The following CHRNE variants were observed in gnomAD, a reference collection of about 807,000 sequenced individuals.
The protein encoded by CHRNE is acetylcholine receptor subunit epsilon.
A neutral mutation model predicts 56.5 loss-of-function variants in CHRNE; 58 were observed. The observed-to-expected ratio is 1.03, with a 90% CI of 0.83 to 1.28. The LOEUF is 1.28. CHRNE is among the 50% of genes most tolerant of loss of function. CHRNE has a pLI of 0.00. For missense variants in CHRNE, 793 were observed against 688.9 expected (o/e 1.15, Z -1.69); for synonymous variants, 385 against 297.9 (o/e 1.29, Z -3.01).
chr17:4,901,891 C>T (rs59963145), intron 5 of CHRNE, 41 bp downstream of exon 5: 89 of 1,606,320 alleles, frequency 5.5e-5, no homozygotes, highest in Admixed American at 1.3e-4. Flanking sequence ...AAGGCCCCCC[C>T]CCAACAATAA....
chr17:4,902,020 A>G lies in CHRNE; in HGVS notation c.412T>C (p.Trp138Arg). Residue 138 changes from tryptophan (W) to arginine (R), a missense_variant, in exon 5 of 12, where the codon TGG becomes CGG. Physicochemically the swap from Trp to Arg is moderately radical, Grantham distance 101 (BLOSUM62 -3). Coordinates refer to ENST00000649488, the MANE Select transcript of CHRNE (RefSeq NM_000080.4). This position sits in a 1 kb window ranked among gnomAD's most constrained non-coding sequence, Gnocchi z 4.0. ...VLVYEGGSVTWLPPAIYRSVC... is the reference protein window; with the variant it reads ...VLVYEGGSVTRLPPAIYRSVC... ...CTGCGGTAGATGGCCGGAGGCAGCC[A>G]CGTCACGGAGCCGCCCTCGTAGACG... 6.2e-7 allele frequency: 1 copy of G among 1,614,100 alleles called. No homozygotes were observed. Among genetic ancestry groups the G allele is most frequent in the Non-Finnish European group, 8.5e-7 (1 of 1,180,044 alleles).
At chr17:4,908,636 A>G (rs1970118873) in intron 1 of CHRNE, among the ~76,000 whole-genome samples, 1 of 152,144 alleles carries the variant, frequency 6.6e-6, no homozygotes, top group Non-Finnish European at 1.5e-5. Flanking sequence ...TTTCATAATG[A>G]AAATTCCCCA....
chr17:4,900,384 G>A (rs1264809873), intron 8 of CHRNE: 3 of 1,549,676 alleles, frequency 1.9e-6, no homozygotes, highest in Admixed American at 2.0e-5. Context: ...TGCGGTGGGC[G>A]CCAGCGCCCG....
chr17:4,902,753 C>T lies in CHRNE; in HGVS notation c.57G>A (p.Val19=), dbSNP rs750099799. 3 of 1,614,022 alleles carry T rather than the reference C, an allele frequency of 1.9e-6. No homozygotes were observed. Among genetic ancestry groups the T allele is most frequent in the African/African-American group, 1.3e-5 (1 of 74,974 alleles). Residue 19 remains valine (V), a synonymous_variant, in exon 2 of 12, where the codon GTG becomes GTA. Coordinates refer to ENST00000649488, the MANE Select transcript of CHRNE (RefSeq NM_000080.4). The surrounding 1 kb of genome is among the most constrained non-coding windows in gnomAD (Gnocchi z 4.0). ...LLLLGLLGRG[V]GKNEELRLYH... ...AAAGACGCAGTTCCTCGTTCTTCCC[C>T]ACACCCCTGCCTGCGATGGGGTCAA...
upstream of CHRNE, among the ~76,000 whole-genome samples, chr17:4,907,690 GCAC>G (rs1432275718): frequency 2.0e-5 from 3 of 151,292 alleles, no homozygotes; most frequent in Non-Finnish European, 4.4e-5. Flanking sequence ...CTCAACTTAA[GCAC>G]CACAACTACA....
At chr17:4,906,187 T>C (rs527748340), upstream of CHRNE, among the ~76,000 whole-genome samples, 7 of 152,302 alleles carry the variant, frequency 4.6e-5, no homozygotes, top group Admixed American at 4.6e-4. Context: ...CTCTGAGGGC[T>C]TGGGGTGCCA....
intron 5 of CHRNE, 133 bp from the exon 6 acceptor site, chr17:4,901,758 G>A: frequency 8.3e-7 from 1 of 1,205,194 alleles, no homozygotes; most frequent in Non-Finnish European, 1.2e-6. Flanking sequence ...CAGCCCGCAC[G>A]CCTCTGTTCC....
rs1567639487 is a variant in CHRNE at position 4,901,947 on chromosome 17, C to T, written c.485G>A (p.Cys162Tyr). The T allele has an allele frequency of 6.2e-7, 1 of 1,607,686 alleles. No individual in the cohort carries two copies. Among genetic ancestry groups the T allele is most frequent in the Admixed American group, 1.7e-5 (1 of 59,830 alleles). Residue 162 changes from cysteine to tyrosine, a missense_variant, in exon 5 of 12, where the codon TGT (cysteine) becomes TAT (tyrosine). Transcript: ENST00000649488. ...CTCTTCCCACCGGAAAATAAGCGAA[C>T]AGTTCTGCCAATCGAAGGGGAAGTA... ...VTYFPFDWQN[C>Y]SLIFRSQTYN...
intron 5 of CHRNE, 23 bp downstream of exon 5, chr17:4,901,909 G>T: frequency 1.3e-6 from 2 of 1,587,446 alleles, no homozygotes; most frequent in Non-Finnish European, 1.7e-6. Flanking sequence ...TAATCGTCCG[G>T]GCCTCGGAGT....
At chr17:4,907,227 G>A (rs1468339093), upstream of CHRNE, among the ~76,000 whole-genome samples, 1 of 149,940 alleles carries the variant, frequency 6.7e-6, no homozygotes, top group Non-Finnish European at 1.5e-5. Flanking sequence ...ATAAATGATT[G>A]GGGGAATTAA....
rs1969858094 is a variant in CHRNE, at chr17:4,899,318, A to AGGCGGCCCGGGGGGCCTCG, written c.1080_1098dup (p.Ser367ArgfsTer36). The AGGCGGCCCGGGGGGCCTCG allele has an allele frequency of 1.3e-6, 2 of 1,569,164 alleles. No individual in the cohort carries two copies. The highest frequency in any genetic ancestry group is 1.7e-6 in the Non-Finnish European group (2 of 1,164,760). On this transcript the variant is annotated frameshift_variant, in exon 10 of 12. Transcript: ENST00000649488. LOFTEE classifies it high-confidence loss of function. ...ACCGACGACGCCCGCCTTGGGGGCG[A>AGGCGGCCCGGGGGGCCTCG]GGCGGCCCGGGGGGCCTCGGGCGGC...
At chr17:4,901,880 TA>T in intron 5 of CHRNE, 51 bp downstream of exon 5, 1 of 829,744 alleles carries the variant, frequency 1.2e-6, no homozygotes, top group Non-Finnish European at 2.0e-6. Flanking sequence ...CCCCGCCCCA[TA>T]AGGCCCCCCC....
Position 4,902,856 on chromosome 17 carries a change from G to A in CHRNE, c.47-93C>T. 6.3e-7 allele frequency: 1 copy of A among 1,590,276 alleles called. No homozygotes were observed. The highest frequency in any genetic ancestry group is 8.6e-7 in the Non-Finnish European group (1 of 1,159,306). ...CTCCCCTGGGTCCTCACAGGCCTCT[G>A]AGGCTGTGTACTATCAGTATCTGTC... is the stretch of plus-strand genomic sequence containing the variant. On this transcript the variant is annotated intron_variant, in intron 1 of 11. Transcript: ENST00000649488. The surrounding 1 kb of genome is among the most constrained non-coding windows in gnomAD (Gnocchi z 4.0).
chr17:4,899,553 G>A lies in CHRNE; in HGVS notation c.947C>T (p.Thr316Met), dbSNP rs146533655. 9.4e-6 allele frequency: 15 copies of A among 1,597,000 alleles called. No individual in the cohort carries two copies. In the African/African-American group the frequency reaches 1.3e-4, roughly 14 times the overall value. ...GATGACGCAATTCATGACAATGAGC[G>A]TGGCGACCACCATGACGAAAATAAG... ...RFLIFVMVVA[T>M]LIVMNCVIVL... Residue 316 changes from threonine to methionine, a missense_variant, in exon 9 of 12, where the codon ACG (threonine) becomes ATG (methionine). Coordinates refer to ENST00000649488, the MANE Select transcript of CHRNE (RefSeq NM_000080.4).
At chr17:4,900,222 G>GTGC in intron 8 of CHRNE, 1 of 1,546,198 alleles carries the variant, frequency 6.5e-7, no homozygotes, top group African/African-American at 1.4e-5. Flanking sequence ...GCTAACCCCT[G>GTGC]TGCCCCCAAT....
chr17:4,899,411 C>T (rs1354299119), intron 9 of CHRNE, 27 bp from the exon 10 acceptor site: 2 of 1,540,262 alleles, frequency 1.3e-6, no homozygotes, highest in South Asian at 1.2e-5. Flanking sequence ...GCTTAGGGGA[C>T]GAGGTTAGTA....
In CHRNE at chr17:4,898,729, G is replaced by A. The variant is rs769063090; in HGVS notation, c.*7C>T. The A allele has an allele frequency of 6.2e-7, 1 of 1,608,670 alleles. No homozygotes were observed. Among genetic ancestry groups the A allele is most frequent in the East Asian group, 2.2e-5 (1 of 44,748 alleles). ...GGAGATGGGTGGGAAATTGAAGTCG[G>A]TGCGAGCTAAGGCTGGATACACGGC... On this transcript the variant is annotated 3_prime_UTR_variant, in exon 12 of 12. Transcript: ENST00000649488.
intron 8 of CHRNE, chr17:4,899,796 A>T: frequency 6.4e-7 from 1 of 1,551,142 alleles, no homozygotes; most frequent in Non-Finnish European, 8.7e-7. Flanking sequence ...GGACACCCTG[A>T]TGTGGATCTA....
upstream of CHRNE, among the ~76,000 whole-genome samples, chr17:4,907,566 CAAAA>C (rs34317332): frequency 3.3e-5 from 2 of 61,066 alleles, no homozygotes; most frequent in East Asian, 2.9e-4. Flanking sequence ...GACTCAGTCT[CAAAA>C]AAAAAAAAAA....
Sources: allele counts gnomAD v4.1 joint callset (sites outside exome capture counted in the v4.1 genomes callset), GRCh38; gene constraint gnomAD v4.1.1; non-coding constraint Gnocchi (gnomAD v3.1); transcripts MANE v1.5; gene names NCBI Gene and HGNC (gene_info 2026-07-23, HGNC 2026-07-21).